Variants in MYO1B observed in about 807,000 individuals in gnomAD.
The protein encoded by MYO1B is unconventional myosin-Ib.
Under a neutral mutation model 159.7 loss-of-function variants are expected in MYO1B, and 72 were observed. The ratio of observed to expected loss-of-function variants is 0.45; its 90% confidence interval spans 0.37 to 0.55. The LOEUF is 0.55. Ranked by LOEUF, MYO1B falls within the 20% of genes least tolerant of loss-of-function variation. MYO1B has a pLI of 0.00. For synonymous variants in MYO1B, 468 were observed against 473.8 expected (o/e 0.99, Z 0.16); for missense variants, 1,062 against 1,364.8 (o/e 0.78, Z 3.50).
intron 1 of MYO1B, among the ~76,000 whole-genome samples, chr2:191,248,198 C>G (rs1266432699): frequency 1.3e-5 from 2 of 152,074 alleles, no homozygotes; most frequent in Middle Eastern, 3.2e-3. Flanking sequence ...CATTACATGC[C>G]AAGAATTTTA....
chr2:191,400,577 C>A (rs1696548331), intron 22 of MYO1B, 109 bp downstream of exon 22: 4 of 1,380,060 alleles, frequency 2.9e-6, no homozygotes, highest in Admixed American at 3.6e-5. Context: ...AGCTACTGAG[C>A]ACGTGTTTGC....
intron 22 of MYO1B, 59 bp from the exon 23 acceptor site, chr2:191,400,690 C>T: frequency 6.4e-7 from 1 of 1,564,908 alleles, no homozygotes; most frequent in Non-Finnish European, 8.7e-7. Context: ...TCATTGAAAA[C>T]CAGCAGTAAC....
chr2:191,400,832 T>G lies in MYO1B; in HGVS notation c.2466T>G (p.Ser822=). 1.2e-6 allele frequency: 2 copies of G among 1,613,676 alleles called. No homozygotes were observed. The highest frequency in any genetic ancestry group is 1.7e-6 in the Non-Finnish European group (2 of 1,179,598). The change falls in exon 23 of 31, where the codon TCT becomes TCG. Residue 822 remains serine, a synonymous_variant. Transcript: ENST00000392318. ...IAVIWAYWLG[S]KARRELKRLK... ...TTATTTGGGCTTACTGGCTTGGATC[T>G]AAGGTACTTGATGCACATATCCCAA...
At chr2:191,349,042 C>T (rs982737878) in intron 6 of MYO1B, among the ~76,000 whole-genome samples, 1 of 152,166 alleles carries the variant, frequency 6.6e-6, no homozygotes, top group Admixed American at 6.5e-5. Flanking sequence ...TCCCTTTGTT[C>T]CCGCTTCTTT....
chr2:191,385,956 T>A lies in MYO1B; in HGVS notation c.1426T>A (p.Leu476Ile). Residue 476 changes from leucine to isoleucine, a missense_variant, in exon 16 of 31, where the codon TTA (leucine) becomes ATA (isoleucine). Around this residue, in one of 5 missense-constraint regions of MYO1B, gnomAD observed 9 missense variants for 31.9 expected, o/e 0.28. Transcript: ENST00000392318. ...TGGCACAGTCACTGATGAGACCTTC[T>A]TAGAAAAGCTGAACCAAGTATGTGC... ...RPGTVTDETF[L>I]EKLNQVCATH... The A allele has an allele frequency of 6.2e-7, 1 of 1,614,148 alleles. No homozygotes were observed. The highest frequency in any genetic ancestry group is 1.1e-5 in the South Asian group (1 of 91,078).
chr2:191,395,535 AT>A (rs1696018504), intron 20 of MYO1B, among the ~76,000 whole-genome samples: 1 of 152,220 alleles, frequency 6.6e-6, no homozygotes, highest in Non-Finnish European at 1.5e-5. Context: ...AATGCTGTGA[AT>A]TTTCATTAGG....
intron 16 of MYO1B, 31 bp downstream of exon 16, chr2:191,386,115 C>T (rs1214168151): frequency 6.2e-7 from 1 of 1,607,244 alleles, no homozygotes; most frequent in South Asian, 1.1e-5. Context: ...CCCAGTCAGG[C>T]CTGCCAAGTT....
intron 1 of MYO1B, among the ~76,000 whole-genome samples, chr2:191,274,111 T>C (rs1287310417): frequency 6.6e-6 from 1 of 152,206 alleles, no homozygotes; most frequent in Non-Finnish European, 1.5e-5. Context: ...CTTCTCCCAG[T>C]GTCCCTAAAT....
At chr2:191,341,592 G>T (rs370375521) in intron 5 of MYO1B, 27 bp downstream of exon 5, 2 of 1,574,122 alleles carry the variant, frequency 1.3e-6, no homozygotes, top group Admixed American at 1.7e-5. Flanking sequence ...TCATTAAGTC[G>T]GTGTGACTCA....
chr2:191,300,363 G>A (rs1689239918), intron 3 of MYO1B, among the ~76,000 whole-genome samples: 2 of 143,052 alleles, frequency 1.4e-5, no homozygotes, highest in African/African-American at 2.6e-5. Flanking sequence ...TTTTTGAGTC[G>A]GAGTCTCGCT....
intron 13 of MYO1B, among the ~76,000 whole-genome samples, chr2:191,375,399 A>G (rs1694631716): frequency 6.6e-6 from 1 of 152,162 alleles, no homozygotes. Context: ...TAGAAAGCTT[A>G]TAATTGAAGA....
chr2:191,398,259 C>G (rs1163786931), intron 21 of MYO1B, among the ~76,000 whole-genome samples: 8 of 60,786 alleles, frequency 1.3e-4, no homozygotes, highest in East Asian at 4.4e-4. Context: ...CCCCCCCTCC[C>G]CCCTCCCGGA....
At chr2:191,413,921 A>C in intron 27 of MYO1B, 127 bp from the exon 28 acceptor site, 2 of 953,692 alleles carry the variant, frequency 2.1e-6, no homozygotes, top group Non-Finnish European at 3.0e-6. Flanking sequence ...TGTAATATAT[A>C]AAATAAATTG....
intron 1 of MYO1B, among the ~76,000 whole-genome samples, chr2:191,252,181 A>C (rs537409415): frequency 8.5e-5 from 13 of 152,344 alleles, no homozygotes; most frequent in Non-Finnish European, 1.6e-4. Context: ...ATCTGCTTCT[A>C]GTCATAATCG....
At chr2:191,404,085 A>G (rs1696766079) in intron 24 of MYO1B, among the ~76,000 whole-genome samples, 1 of 152,226 alleles carries the variant, frequency 6.6e-6, no homozygotes, top group African/African-American at 2.4e-5. Context: ...GATCAAACTT[A>G]CTTGAAGTCC....
At chr2:191,423,193 A>G (rs1357872813) in intron 30 of MYO1B, among the ~76,000 whole-genome samples, 1 of 152,226 alleles carries the variant, frequency 6.6e-6, no homozygotes. Flanking sequence ...TACTTACACA[A>G]ACGTAGATGG....
At chr2:191,349,528 TC>T (rs1425665708) in intron 6 of MYO1B, among the ~76,000 whole-genome samples, 1 of 152,238 alleles carries the variant, frequency 6.6e-6, no homozygotes, top group Non-Finnish European at 1.5e-5. Context: ...CTTTTAACAA[TC>T]AGAATATTAA....
chr2:191,319,613 A>G (rs1469965236), intron 3 of MYO1B, among the ~76,000 whole-genome samples: 1 of 152,174 alleles, frequency 6.6e-6, no homozygotes, highest in African/African-American at 2.4e-5. Context: ...AACCCTGGGT[A>G]TGGCAGGATG....
chr2:191,398,340 G>A, intron 21 of MYO1B, among the ~76,000 whole-genome samples: 1 of 124,492 alleles, frequency 8.0e-6, no homozygotes, highest in South Asian at 2.4e-4. Context: ...CCGGGCAGGG[G>A]GGCTCCTCAC....
Sources: allele counts gnomAD v4.1 joint callset (sites outside exome capture counted in the v4.1 genomes callset), GRCh38; gene constraint gnomAD v4.1.1; regional missense constraint gnomAD v4.1.1; transcripts MANE v1.5; gene names NCBI Gene and HGNC (gene_info 2026-07-23, HGNC 2026-07-21).